IQCM: variants seen among roughly 807,000 people sequenced by gnomAD.
IQCM encodes IQ motif containing M.
In IQCM, 45 loss-of-function variants were observed where a neutral mutation model predicts 57.6. That is an observed-to-expected ratio of 0.78 (90% confidence interval 0.62 to 1.00). The LOEUF (loss-of-function observed/expected upper bound fraction) is 1.00, where lower values mean the gene tolerates loss of function less well. Ranked by LOEUF, IQCM falls within the 50% of genes least tolerant of loss-of-function variation. The probability of loss-of-function intolerance (pLI) is 0.00; values close to 1 mark genes in which losing one functional copy is unlikely to be tolerated. For synonymous variants in IQCM, 148 were observed against 158.9 expected, an observed-to-expected ratio of 0.93 and a Z score of 0.51; for missense variants, 468 against 511.6, an observed-to-expected ratio of 0.91 and a Z score of 0.82.
intron 7 of IQCM, among the ~76,000 whole-genome samples, chr4:149,622,605 G>A (rs1248749574): frequency 6.6e-6 from 1 of 152,058 alleles, no homozygotes; most frequent in Non-Finnish European, 1.5e-5. Flanking sequence ...CCAATAACGA[G>A]TAGCTTGTAG....
intron 9 of IQCM, among the ~76,000 whole-genome samples, chr4:149,574,821 T>C (rs985472156): frequency 3.3e-5 from 5 of 151,974 alleles, no homozygotes; most frequent in Admixed American, 1.3e-4. Context: ...CATCTGTTCA[T>C]AGGTTGAAAG....
chr4:149,573,187 A>G (rs1157671545), intron 9 of IQCM, among the ~76,000 whole-genome samples: 1 of 151,530 alleles, frequency 6.6e-6, no homozygotes, highest in African/African-American at 2.4e-5. Flanking sequence ...TAAAAGAATA[A>G]GGTTATTAAA....
chr4:149,412,728 T>C (rs1402308137), intron 13 of IQCM, among the ~76,000 whole-genome samples: 4 of 152,180 alleles, frequency 2.6e-5, no homozygotes, highest in East Asian at 1.9e-4. Context: ...TAATGGAGTA[T>C]GCAAATTCAG....
chr4:149,683,447 T>C (rs1465385757), intron 6 of IQCM, among the ~76,000 whole-genome samples: 1 of 151,250 alleles, frequency 6.6e-6, no homozygotes, highest in African/African-American at 2.4e-5. Flanking sequence ...ACTCAATAGA[T>C]AGTAAAGAAA....
At chr4:149,579,787 G>A (rs143906163) in intron 9 of IQCM, among the ~76,000 whole-genome samples, 43 of 151,916 alleles carry the variant, frequency 2.8e-4, no homozygotes, top group African/African-American at 9.6e-4. Context: ...GTTTGGAGAT[G>A]GTAGCATTTT....
chr4:149,740,778 A>G (rs1158071491), intron 3 of IQCM, among the ~76,000 whole-genome samples: 1 of 152,128 alleles, frequency 6.6e-6, no homozygotes, highest in Non-Finnish European at 1.5e-5. Flanking sequence ...TACAACAGCT[A>G]AGCAAAAAAC....
intron 2 of IQCM, among the ~76,000 whole-genome samples, chr4:149,745,898 GGAGGTCAAGGCTGCAGT>G (rs1767881837): frequency 6.6e-6 from 1 of 152,094 alleles, no homozygotes; most frequent in Non-Finnish European, 1.5e-5. Flanking sequence ...GTTGAGCCTG[GGAGGTCAAGGCTGCAGT>G]GAGCCGTGAT....
At chr4:149,605,943 C>G (rs1188618026) in intron 8 of IQCM, among the ~76,000 whole-genome samples, 1 of 152,188 alleles carries the variant, frequency 6.6e-6, no homozygotes, top group African/African-American at 2.4e-5. Context: ...CTTGAAACCC[C>G]TGATTCCAGG....
At chr4:149,442,951 CACAGAGAGAGAGAGAGAG>C (rs1454430720) in intron 12 of IQCM, among the ~76,000 whole-genome samples, 20 of 111,204 alleles carry the variant, frequency 1.8e-4, no homozygotes, top group South Asian at 1.6e-3. Context: ...CACACACACA[CACAGAGAGAGAGAGAGAG>C]AGAGAGAGAG....
intron 2 of IQCM, among the ~76,000 whole-genome samples, chr4:149,778,994 T>C (rs1479894307): frequency 6.6e-6 from 1 of 152,182 alleles, no homozygotes; most frequent in Admixed American, 6.5e-5. Context: ...TTCATTTTAC[T>C]AATCCAGTAA....
intron 2 of IQCM, among the ~76,000 whole-genome samples, chr4:149,743,855 C>T (rs1334115731): frequency 6.6e-6 from 1 of 152,184 alleles, no homozygotes; most frequent in Non-Finnish European, 1.5e-5. Flanking sequence ...TCAGTTACAC[C>T]AGTGCATACT....
chr4:149,576,140 A>AT (rs1040259104), intron 9 of IQCM, among the ~76,000 whole-genome samples: 6 of 151,482 alleles, frequency 4.0e-5, no homozygotes, highest in Non-Finnish European at 5.9e-5. Context: ...ATCAATTCTG[A>AT]TTTTTTTTCT....
chr4:149,751,937 C>T (rs945378948), intron 2 of IQCM, among the ~76,000 whole-genome samples: 1 of 152,066 alleles, frequency 6.6e-6, no homozygotes, highest in Non-Finnish European at 1.5e-5. Context: ...GAAGGGAATT[C>T]TAGGGACATG....
chr4:149,444,311 G>A (rs1315390143), intron 12 of IQCM, among the ~76,000 whole-genome samples: 2 of 151,818 alleles, frequency 1.3e-5, no homozygotes, highest in African/African-American at 2.4e-5. Context: ...CTGATTTCTA[G>A]ATCAAAGTAA....
chr4:149,717,976 T>C (rs1317683726), intron 5 of IQCM, among the ~76,000 whole-genome samples: 1 of 152,186 alleles, frequency 6.6e-6, no homozygotes, highest in Non-Finnish European at 1.5e-5. Context: ...CCTCTGATGA[T>C]AGGAATTTGT....
At chr4:149,392,009 G>C (rs4267718) in intron 13 of IQCM, among the ~76,000 whole-genome samples, 8 of 151,700 alleles carry the variant, frequency 5.3e-5, no homozygotes, top group African/African-American at 1.9e-4. Flanking sequence ...TAAGTGTTTA[G>C]GTTCTCTATT....
At chr4:149,438,399 A>C (rs1348871922) in intron 12 of IQCM, among the ~76,000 whole-genome samples, 1 of 152,102 alleles carries the variant, frequency 6.6e-6, no homozygotes, top group Non-Finnish European at 1.5e-5. Context: ...CTACTAGCCA[A>C]TACTGTGAAG....
At chr4:149,428,395 A>G (rs1734601318) in intron 13 of IQCM, among the ~76,000 whole-genome samples, 1 of 151,802 alleles carries the variant, frequency 6.6e-6, no homozygotes, top group African/African-American at 2.4e-5. Flanking sequence ...TCATCCCTTA[A>G]AAGAAATGAG....
chr4:149,631,076 A>G (rs1225565129), intron 7 of IQCM, among the ~76,000 whole-genome samples: 1 of 152,224 alleles, frequency 6.6e-6, no homozygotes, highest in Non-Finnish European at 1.5e-5. Context: ...GGTACATGCT[A>G]GGCAGAGTAT....
Sources: gnomAD v4.1 joint callset for allele counts (sites outside exome capture counted in the v4.1 genomes callset) on GRCh38, gnomAD v4.1.1 for gene constraint, MANE v1.5 for transcripts, NCBI Gene and HGNC (gene_info 2026-07-23, HGNC 2026-07-21) for gene names.